STAC: variants seen among roughly 807,000 people sequenced by gnomAD.
The protein encoded by STAC is SH3 and cysteine rich domain, also known as SH3 and cysteine-rich domain-containing protein.
Under a neutral mutation model 48.8 loss-of-function variants are expected in STAC, and 43 were observed. The observed-to-expected ratio is 0.88, with a 90% CI of 0.69 to 1.14. The LOEUF (loss-of-function observed/expected upper bound fraction) is 1.14, where lower values mean the gene tolerates loss of function less well. STAC is among the 50% of genes most tolerant of loss of function. The pLI is 0.00. For synonymous variants in STAC, 193 were observed against 179.5 expected (o/e 1.07, Z -0.60); for missense variants, 497 against 504.0 (o/e 0.99, Z 0.13).
At chr3:36,510,128 C>CA (rs1698499749) in intron 8 of STAC, among the ~76,000 whole-genome samples, 1 of 151,908 alleles carries the variant, frequency 6.6e-6, no homozygotes, top group Non-Finnish European at 1.5e-5. Flanking sequence ...AAAACCCCAT[C>CA]AAAAAGTGGG....
At position 36,501,249 on chromosome 3, in the gene STAC, A is replaced by G. The variant is rs79637626; in HGVS notation, c.767-3144A>G. ...TTTAGCTTTAAAATGAGTGTTAAAA[A>G]AATAAGAAAGTCTGAAAAGTAATAT... On this transcript the variant is annotated intron_variant, in intron 6 of 10. Transcript: ENST00000273183. Among the ~76,000 whole-genome samples, 267 of 152,334 alleles carry G rather than the reference A, an allele frequency of 1.8e-3. 5 individuals carry two copies. The East Asian group carries it at 0.048, about 27-fold the overall frequency.
chr3:36,539,282 T>C lies in STAC; in HGVS notation c.1111-6909T>C, dbSNP rs117729034. 2.0e-3 allele frequency among the ~76,000 whole-genome samples: 302 copies of C among 152,186 alleles called. 6 individuals are homozygous for C. The East Asian group carries it at 0.05, about 25-fold the overall frequency. ...AAACTTGTGTCCTGGGGTTTTGTTG[T>C]ACAGATTATTTCCTCACCTAGGTAT... is the stretch of plus-strand genomic sequence containing the variant. On this transcript the variant is annotated intron_variant, in intron 10 of 10. Transcript: ENST00000273183.
intron 10 of STAC, among the ~76,000 whole-genome samples, chr3:36,543,200 T>A (rs561068997): frequency 5.5e-4 from 84 of 152,268 alleles, no homozygotes; most frequent in Admixed American, 1.6e-3. Flanking sequence ...CTGTAACTAA[T>A]CTTCTGGGAA....
At chr3:36,403,132 C>G (rs765437083) in intron 1 of STAC, among the ~76,000 whole-genome samples, 1 of 152,134 alleles carries the variant, frequency 6.6e-6, no homozygotes, top group Non-Finnish European at 1.5e-5. Context: ...AAGGTACAAT[C>G]AATGCCTAGG....
chr3:36,466,932 G>A (rs1042907309), intron 2 of STAC, among the ~76,000 whole-genome samples: 2 of 151,640 alleles, frequency 1.3e-5, no homozygotes, highest in African/African-American at 2.4e-5. Flanking sequence ...TCCAGTTCTC[G>A]GGGGGAATGC....
chr3:36,432,278 A>G (rs149513905), intron 1 of STAC, among the ~76,000 whole-genome samples: 188 of 152,354 alleles, frequency 1.2e-3, no homozygotes, highest in African/African-American at 4.1e-3. Flanking sequence ...TAACTTTCCT[A>G]CACTCACACT....
intron 1 of STAC, among the ~76,000 whole-genome samples, chr3:36,442,715 G>C (rs1696380830): frequency 6.7e-6 from 1 of 148,630 alleles, no homozygotes; most frequent in African/African-American, 2.5e-5. Context: ...AAGTCAAAAG[G>C]ATAATACAAT....
At chr3:36,380,870 C>T (rs748806695) in intron 1 of STAC, 116 bp downstream of exon 1, 14 of 613,342 alleles carry the variant, frequency 2.3e-5, no homozygotes, top group Non-Finnish European at 3.5e-5. Flanking sequence ...TGCTAGTTAG[C>T]CCAGGGCTGT....
At chr3:36,472,613 T>C (rs1039950141) in intron 2 of STAC, among the ~76,000 whole-genome samples, 1 of 152,212 alleles carries the variant, frequency 6.6e-6, no homozygotes, top group African/African-American at 2.4e-5. Flanking sequence ...ATACCCTAAA[T>C]CATCTTTCTC....
chr3:36,409,658 T>A (rs565754056), intron 1 of STAC: 10 of 152,258 alleles, frequency 6.6e-5, no homozygotes, highest in Middle Eastern at 3.4e-3. Flanking sequence ...TTGTATCCAC[T>A]CCATCCATCC....
At chr3:36,449,104 G>A (rs1426876968) in intron 2 of STAC, among the ~76,000 whole-genome samples, 1 of 152,050 alleles carries the variant, frequency 6.6e-6, no homozygotes, top group African/African-American at 2.4e-5. Flanking sequence ...GGGCAACGGA[G>A]TGAGACTTCA....
intron 2 of STAC, among the ~76,000 whole-genome samples, chr3:36,467,529 T>C (rs1472599923): frequency 5.9e-5 from 9 of 152,154 alleles, no homozygotes; most frequent in Admixed American, 5.2e-4. Flanking sequence ...TGCTTGTTAA[T>C]TGGTCTGTTC....
At chr3:36,423,363 A>C (rs1700489482) in intron 1 of STAC, among the ~76,000 whole-genome samples, 1 of 151,836 alleles carries the variant, frequency 6.6e-6, no homozygotes, top group Non-Finnish European at 1.5e-5. Flanking sequence ...CTGCCTTAAG[A>C]AAATGGAATA....
intron 2 of STAC, chr3:36,459,465 A>C (rs542484226): frequency 6.6e-6 from 1 of 152,350 alleles, no homozygotes; most frequent in Non-Finnish European, 1.5e-5. Flanking sequence ...TGTACCAAGA[A>C]TCAAAACATC....
Position 36,544,318 on chromosome 3 carries a change from C to T in STAC, c.1111-1873C>T, listed in dbSNP as rs2125506734. On this transcript the variant is annotated intron_variant, in intron 10 of 10. Coordinates refer to ENST00000273183, the MANE Select transcript of STAC (RefSeq NM_003149.3). ...CTGAGTAGCTGGGATTACAGGCATG[C>T]ACCATCACACCCAGCTAATTTTTGT... Among the ~76,000 whole-genome samples, 3 of 152,064 alleles carry T rather than the reference C, an allele frequency of 2.0e-5. No individual in the cohort carries two copies. The South Asian group carries it at 6.2e-4, about 32-fold the overall frequency.
chr3:36,454,086 T>C (rs971414040), intron 2 of STAC, among the ~76,000 whole-genome samples: 1 of 152,138 alleles, frequency 6.6e-6, no homozygotes, highest in Non-Finnish European at 1.5e-5. Context: ...CAGCAGGATG[T>C]GGGTGGGGCC....
intron 6 of STAC, among the ~76,000 whole-genome samples, chr3:36,501,430 A>T (rs925254854): frequency 6.6e-5 from 10 of 151,636 alleles, no homozygotes; most frequent in African/African-American, 2.4e-4. Flanking sequence ...ATTTTTTAAG[A>T]TAAAAGAGAT....
chr3:36,387,698 T>G (rs1460314748), intron 1 of STAC, among the ~76,000 whole-genome samples: 5 of 152,128 alleles, frequency 3.3e-5, no homozygotes, highest in Non-Finnish European at 5.9e-5. Context: ...AATATCCCAT[T>G]GTATATATAT....
intron 2 of STAC, among the ~76,000 whole-genome samples, chr3:36,453,517 C>T (rs979789722): frequency 3.9e-5 from 6 of 152,220 alleles, no homozygotes; most frequent in Non-Finnish European, 7.3e-5. Flanking sequence ...CAATTTCTCG[C>T]GGGGCCTTAG....
Sources: gnomAD v4.1 joint callset for allele counts (sites outside exome capture counted in the v4.1 genomes callset) on GRCh38, gnomAD v4.1.1 for gene constraint, MANE v1.5 for transcripts, NCBI Gene and HGNC (gene_info 2026-07-23, HGNC 2026-07-21) for gene names.